Variants in CSH1 observed in about 807,000 individuals in gnomAD.
CSH1 encodes the protein chorionic somatomammotropin hormone 1, also known as Chorionic somatomammotropin hormone 2.
CSH1 carries 17 observed loss-of-function variants against 19.4 expected under a neutral mutation model. The observed-to-expected ratio is 0.88, with a 90% CI of 0.60 to 1.31. CSH1 has a LOEUF of 1.31. CSH1 is among the 40% of genes most tolerant of loss of function. The pLI, the probability that CSH1 is intolerant of heterozygous loss-of-function variation, is 0.00. For synonymous variants in CSH1, 72 were observed against 104.6 expected, an observed-to-expected ratio of 0.69 and a Z score of 1.90; for missense variants, 190 against 243.1, an observed-to-expected ratio of 0.78 and a Z score of 1.45.
intron 1 of CSH1, 69 bp downstream of exon 1, chr17:63,896,433 T>C (rs931781258): frequency 1.2e-6 from 2 of 1,603,496 alleles, no homozygotes; most frequent in African/African-American, 2.7e-5. Flanking sequence ...AGTGCCCCCG[T>C]CCCATCTACA....
chr17:63,896,222 G>C lies in CSH1; in HGVS notation c.24C>G (p.Ser8=). ...AGAGCAGGGCAAAAGCCAGGAGCAG[G>C]GACGTCCGGGAGCCTGGGGAGAAAC... MAPGSRT[S]LLLAFALLCL... The change falls in exon 2 of 5, where the codon TCC becomes TCG. Residue 8 remains serine, a synonymous_variant. Transcript: ENST00000316193. 1 of 1,495,458 alleles carries C rather than the reference G, an allele frequency of 6.7e-7. No homozygotes were observed. Among genetic ancestry groups the C allele is most frequent in the Non-Finnish European group, 8.9e-7 (1 of 1,126,726 alleles). The allele number at this position is 1,495,458 out of a possible 1,614,324, so 92.6% of individuals were successfully genotyped here. A position where few individuals can be genotyped will look rare whatever the true frequency, so the allele number is the denominator to read the frequency against.
At chr17:63,895,945 G>A in intron 2 of CSH1, 95 bp from the exon 3 acceptor site, 5 of 507,924 alleles carry the variant, frequency 9.8e-6, no homozygotes, top group Non-Finnish European at 1.5e-5. Flanking sequence ...CTCAGCCTAT[G>A]CTCATCTGCC....
Position 63,896,375 on chromosome 17 carries a change from G to A in CSH1, c.10+127C>T, listed in dbSNP as rs1165652805. On this transcript the variant is annotated intron_variant, in intron 1 of 4. Coordinates refer to ENST00000316193, the MANE Select transcript of CSH1 (RefSeq NM_001317.6). The stretch of plus-strand genomic sequence containing the variant: ...ACATTCAGAGATTGGCCAAATATCT[G>A]GCCTTAGATGGCGATACTCACATTC... The A allele has an allele frequency of 5.4e-6, 8 of 1,494,638 alleles. No homozygotes were observed. In the East Asian group the frequency reaches 1.8e-4, roughly 34 times the overall value. 92.6% of individuals were successfully genotyped at this position (1,494,638 alleles called of 1,614,324 possible). A position where few individuals can be genotyped will look rare whatever the true frequency, so the allele number is the denominator to read the frequency against.
chr17:63,895,704 C>T (rs772114061), intron 3 of CSH1, 27 bp downstream of exon 3: 206 of 1,220,284 alleles, frequency 1.7e-4, no homozygotes, highest in Non-Finnish European at 2.1e-4. Context: ...CCCCCATCCC[C>T]GCCTAGGGGA....
At position 63,895,483 on chromosome 17, in the gene CSH1, G is replaced by C; in HGVS notation, c.446C>G (p.Thr149Arg). 1.2e-6 allele frequency: 2 copies of C among 1,612,460 alleles called. No homozygotes were observed. Among genetic ancestry groups the C allele is most frequent in the Non-Finnish European group, 1.7e-6 (2 of 1,179,662 alleles). The change falls in exon 4 of 5, where the codon ACG (threonine) becomes AGG (arginine). Residue 149 changes from threonine to arginine, a missense_variant. By Grantham distance (71) the Thr-to-Arg change is moderately conservative. Coordinates refer to ENST00000316193, the MANE Select transcript of CSH1 (RefSeq NM_001317.6). The part of the protein sequence containing the change: ...LLKDLEEGIQ[T>R]LMGRLEDGSR... ...TGGCGCCACCCTCACCCCCATCAGC[G>C]TTTGGATGCCTTCCTCTAGGTCCTT...
chr17:63,896,470 G>A lies in CSH1; in HGVS notation c.10+32C>T, dbSNP rs373978673. On this transcript the variant is annotated intron_variant, in intron 1 of 4. Transcript: ENST00000316193. ...GGCGCTGCCTCTCCCCTCAGGACAC[G>A]TTGTGCCCAAAGGGATTTTAGGGGC... is the stretch of plus-strand genomic sequence containing the variant. 1,044 of 1,611,730 alleles carry A rather than the reference G, an allele frequency of 6.5e-4. 11 individuals are homozygous for A. In the African/African-American group the frequency reaches 7.6e-3, roughly 12 times the overall value.
intron 3 of CSH1, 21 bp from the exon 4 acceptor site, chr17:63,895,658 G>T: frequency 6.7e-7 from 1 of 1,491,134 alleles, no homozygotes; most frequent in South Asian, 1.2e-5. Flanking sequence ...AGGACCGGCA[G>T]TGGCTGTGCT....
At chr17:63,896,296 G>A in intron 1 of CSH1, 61 bp from the exon 2 acceptor site, 1 of 1,590,876 alleles carries the variant, frequency 6.3e-7, no homozygotes, top group Admixed American at 1.8e-5. Flanking sequence ...CGCTCTCCCT[G>A]CTCCAGGAGC....
At position 63,895,198 on chromosome 17, in the gene CSH1, G is replaced by A. The variant is rs764110793; in HGVS notation, c.478C>T (p.Arg160Trp). ...LMGRLEDGSR[R>W]TGQILKQTYS... is the part of the protein sequence containing the mutation. ...GTCTGCTTGAGGATCTGCCCAGTCC[G>A]GCGGCTGCCGTCTTCCAGCCTCTGC... Residue 160 changes from arginine to tryptophan, a missense_variant, in exon 5 of 5, where the codon CGG becomes TGG. Physicochemically the swap from Arg to Trp is moderately radical, Grantham distance 101. Transcript: ENST00000316193. The A allele has an allele frequency of 4.3e-5, 69 of 1,612,720 alleles. No individual in the cohort carries two copies. The highest frequency in any genetic ancestry group is 1.6e-4 in the Middle Eastern group (1 of 6,078).
In CSH1 at chr17:63,894,994, G is replaced by A. The variant is rs368766186; in HGVS notation, c.*28C>T. The A allele has an allele frequency of 5.6e-6, 9 of 1,612,848 alleles. No individual in the cohort carries two copies. In the East Asian group the frequency reaches 1.8e-4, roughly 32 times the overall value. ...CTTCAGGGCCAGGAGAGGCACTGGG[G>A]AGGGGTCACAGGATGCTACTCGGGC... On this transcript the variant is annotated 3_prime_UTR_variant, in exon 5 of 5. Transcript: ENST00000316193.
chr17:63,895,066 G>A lies in CSH1; in HGVS notation c.610C>T (p.Arg204Cys), dbSNP rs139446025. The A allele has an allele frequency of 6.8e-6, 11 of 1,612,988 alleles. No homozygotes were observed. Among genetic ancestry groups the A allele is most frequent in the East Asian group, 4.5e-5 (2 of 44,872 alleles). Residue 204 changes from arginine (R) to cysteine (C), a missense_variant, in exon 5 of 5, where the codon CGC (arginine) becomes TGC (cysteine). Physicochemically the swap from Arg to Cys is radical, Grantham distance 180. Coordinates refer to ENST00000316193, the MANE Select transcript of CSH1 (RefSeq NM_001317.6). ...KDMDKVETFL[R>C]MVQCRSVEGS... ...TCCACAGAGCGGCACTGCACCATGC[G>A]CAGGAATGTCTCGACCTTGTCCATG... is the stretch of plus-strand genomic sequence containing the variant.
chr17:63,895,165 T>C lies in CSH1; in HGVS notation c.511A>G (p.Lys171Glu), dbSNP rs769175940. The C allele has an allele frequency of 6.2e-7, 1 of 1,612,848 alleles. No homozygotes were observed. The highest frequency in any genetic ancestry group is 1.7e-5 in the Admixed American group (1 of 59,940). ...TGGTTGTGCGAGTTTGTGTCAAACT[T>C]GCTGTAGGTCTGCTTGAGGATCTGC... ...TGQILKQTYS[K>E]FDTNSHNHDA... Residue 171 changes from lysine to glutamate, a missense_variant, in exon 5 of 5, where the codon AAG becomes GAG. Physicochemically the swap from Lys to Glu is moderately conservative, Grantham distance 56. Around this residue, in one of 3 missense-constraint regions of CSH1, gnomAD observed 175 missense variants for 187.2 expected, o/e 0.93. Coordinates refer to ENST00000316193, the MANE Select transcript of CSH1 (RefSeq NM_001317.6).
In CSH1 at chr17:63,896,402, T is replaced by C. The variant is rs12449537; in HGVS notation, c.10+100A>G. The C allele has an allele frequency of 3.5e-4, 548 of 1,560,424 alleles. 5 individuals are homozygous for C. Among genetic ancestry groups the C allele is most frequent in the Middle Eastern group, 2.8e-3 (12 of 4,332 alleles). On this transcript the variant is annotated intron_variant, in intron 1 of 4. Coordinates refer to ENST00000316193, the MANE Select transcript of CSH1 (RefSeq NM_001317.6). ...CCTTAGATGGCGATACTCACATTCA[T>C]AAGCCCCAAACCTGAGGGTTAGTGC...
intron 1 of CSH1, 75 bp downstream of exon 1, chr17:63,896,427 C>A: frequency 1.3e-6 from 2 of 1,596,410 alleles, no homozygotes; most frequent in South Asian, 2.2e-5. Context: ...AGGGTTAGTG[C>A]CCCCGTCCCA....
intron 4 of CSH1, 113 bp downstream of exon 4, chr17:63,895,360 G>A (rs1311264423): frequency 1.9e-6 from 3 of 1,612,858 alleles, no homozygotes; most frequent in Middle Eastern, 1.7e-4. Flanking sequence ...AGAATAAGGT[G>A]AGTTCTCTTG....
chr17:63,896,476 C>G, intron 1 of CSH1, 26 bp downstream of exon 1: 1 of 1,612,722 alleles, frequency 6.2e-7, no homozygotes, highest in East Asian at 2.2e-5. Context: ...ACACGTTGTG[C>G]CCAAAGGGAT....
In CSH1 at chr17:63,895,596, C is replaced by T. The variant is rs371897187; in HGVS notation, c.333G>A (p.Ser111=). ...TGAGGAACCGCACGGGCTCCAGCCA[C>T]GACTCGATGAGCAGCAGGGAGATGC... The part of the protein sequence containing the change: ...LLRISLLLIE[S]WLEPVRFLRS... The change falls in exon 4 of 5, where the codon TCG becomes TCA. Residue 111 remains serine (S), a synonymous_variant. Transcript: ENST00000316193. The T allele has an allele frequency of 2.6e-5, 41 of 1,585,190 alleles. 1 individual carries two copies. Among genetic ancestry groups the T allele is most frequent in the Middle Eastern group, 1.8e-4 (1 of 5,644 alleles).
At position 63,896,469 on chromosome 17, in the gene CSH1, C is replaced by A. The variant is rs761266856; in HGVS notation, c.10+33G>T. The stretch of plus-strand genomic sequence containing the variant: ...GGGCGCTGCCTCTCCCCTCAGGACA[C>A]GTTGTGCCCAAAGGGATTTTAGGGG... On this transcript the variant is annotated intron_variant, in intron 1 of 4. Transcript: ENST00000316193. 41 of 1,612,338 alleles carry A rather than the reference C, an allele frequency of 2.5e-5. 2 individuals carry two copies. The highest frequency in any genetic ancestry group is 3.1e-5 in the Non-Finnish European group (36 of 1,179,408).
Position 63,895,146 on chromosome 17 carries a change from T to C in CSH1, c.530A>G (p.His177Arg). Residue 177 changes from histidine (H) to arginine (R), a missense_variant, in exon 5 of 5, where the codon CAC becomes CGC. His to Arg is a conservative substitution (Grantham distance 29). Around this residue, in one of 3 missense-constraint regions of CSH1, gnomAD observed 175 missense variants for 187.2 expected, o/e 0.93. Transcript: ENST00000316193. ...GTTCTTGAGCAGTGCGTCATGGTTG[T>C]GCGAGTTTGTGTCAAACTTGCTGTA... Reference protein sequence around the residue: ...QTYSKFDTNSHNHDALLKNYG... With the variant: ...QTYSKFDTNSRNHDALLKNYG... The C allele has an allele frequency of 1.2e-6, 2 of 1,612,838 alleles. No individual in the cohort carries two copies. Among genetic ancestry groups the C allele is most frequent in the East Asian group, 2.2e-5 (1 of 44,874 alleles).
Sources: allele counts gnomAD v4.1 joint callset, GRCh38; gene constraint gnomAD v4.1.1; regional missense constraint gnomAD v4.1.1; transcripts MANE v1.5; gene names NCBI Gene and HGNC (gene_info 2026-07-23, HGNC 2026-07-21).